Variants in TIAM1 observed in about 807,000 individuals in gnomAD.
TIAM1 encodes the protein rho guanine nucleotide exchange factor TIAM1.
In TIAM1, 65 loss-of-function variants were observed where a neutral mutation model predicts 163.5. That is an observed-to-expected ratio of 0.40 (90% CI 0.33 to 0.49). TIAM1 has a LOEUF of 0.49. TIAM1 is among the 20% of genes least tolerant of loss of function. The probability of loss-of-function intolerance (pLI) is 0.77; values close to 1 mark genes in which losing one functional copy is unlikely to be tolerated. For synonymous variants in TIAM1, 833 were observed against 810.1 expected (o/e 1.03, Z -0.48); for missense variants, 1,789 against 2,044.7 (o/e 0.87, Z 2.41).
At chr21:31,447,847 T>A (rs2044685668) in intron 2 of TIAM1, among the ~76,000 whole-genome samples, 2 of 152,156 alleles carry the variant, frequency 1.3e-5, no homozygotes, top group Non-Finnish European at 2.9e-5. Context: ...AATTGGCTCG[T>A]GTGATTATGG....
intron 16 of TIAM1, among the ~76,000 whole-genome samples, chr21:31,157,532 G>C (rs979385507): frequency 5.3e-5 from 8 of 151,864 alleles, no homozygotes; most frequent in African/African-American, 1.7e-4. Flanking sequence ...TCCAGCTCAG[G>C]ATCATGGGTG....
intron 2 of TIAM1, among the ~76,000 whole-genome samples, chr21:31,412,142 A>C (rs976072042): frequency 6.6e-6 from 1 of 152,172 alleles, no homozygotes; most frequent in African/African-American, 2.4e-5. Flanking sequence ...AGCAACCTAG[A>C]TGGAACTGGA....
intron 3 of TIAM1, among the ~76,000 whole-genome samples, chr21:31,267,850 G>A (rs2072870981): frequency 6.6e-6 from 1 of 152,196 alleles, no homozygotes; most frequent in Admixed American, 6.5e-5. Flanking sequence ...CCTGCAAACA[G>A]AAATTCACAT....
intron 2 of TIAM1, among the ~76,000 whole-genome samples, chr21:31,326,061 G>A (rs987831345): frequency 2.6e-5 from 4 of 152,108 alleles, no homozygotes; most frequent in African/African-American, 9.7e-5. Context: ...CCACTGTCAG[G>A]CAGAGTCCCC....
intron 1 of TIAM1, among the ~76,000 whole-genome samples, chr21:31,476,816 G>C (rs2045948421): frequency 6.6e-6 from 1 of 152,184 alleles, no homozygotes; most frequent in African/African-American, 2.4e-5. Context: ...GGTGGTCAGA[G>C]CAGAAATGTT....
At chr21:31,226,862 G>A (rs1007769476) in intron 6 of TIAM1, among the ~76,000 whole-genome samples, 3 of 151,468 alleles carry the variant, frequency 2.0e-5, no homozygotes, top group African/African-American at 7.3e-5. Context: ...TATTTTTCAT[G>A]CACAAAAACA....
chr21:31,289,928 A>T (rs1469327552), intron 2 of TIAM1, among the ~76,000 whole-genome samples: 1 of 152,176 alleles, frequency 6.6e-6, no homozygotes, highest in East Asian at 1.9e-4. Flanking sequence ...TGAAACAGAC[A>T]CTAGGCTTGC....
At position 31,232,336 on chromosome 21, in the gene TIAM1, T is replaced by G. The variant is rs563493221; in HGVS notation, c.1585-6386A>C. On this transcript the variant is annotated intron_variant, in intron 6 of 27. Transcript: ENST00000541036. ...AGGCAGTTCCATTAGAGAGAACTTT[T>G]GCTCCCACTGTCTTGTCTAAATAAA... Among the ~76,000 whole-genome samples, 6 of 152,276 alleles carry G rather than the reference T, an allele frequency of 3.9e-5. No individual in the cohort carries two copies. The East Asian group carries it at 9.7e-4, about 25-fold the overall frequency.
intron 2 of TIAM1, among the ~76,000 whole-genome samples, chr21:31,448,624 A>AC (rs988895950): frequency 5.3e-5 from 8 of 151,130 alleles, no homozygotes; most frequent in African/African-American, 1.2e-4. Context: ...AAAAAAAAAA[A>AC]AACAAGAAGT....
At chr21:31,337,934 TC>T (rs1024880685) in intron 2 of TIAM1, among the ~76,000 whole-genome samples, 1 of 152,150 alleles carries the variant, frequency 6.6e-6, no homozygotes, top group African/African-American at 2.4e-5. Flanking sequence ...GTGCTTTGGC[TC>T]CGCTCTCTGT....
At chr21:31,125,245 C>T (rs2146210684) in intron 26 of TIAM1, among the ~76,000 whole-genome samples, 1 of 151,424 alleles carries the variant, frequency 6.6e-6, no homozygotes, top group South Asian at 2.1e-4. Context: ...AAAAGTGCTT[C>T]CTAGGAAGAG....
At chr21:31,434,207 C>G (rs1424036114) in intron 2 of TIAM1, among the ~76,000 whole-genome samples, 3 of 152,080 alleles carry the variant, frequency 2.0e-5, no homozygotes, top group South Asian at 4.1e-4. Flanking sequence ...TAACAAGGAC[C>G]AGATTTATAC....
chr21:31,421,443 G>C (rs1222102112), intron 2 of TIAM1, among the ~76,000 whole-genome samples: 1 of 152,194 alleles, frequency 6.6e-6, no homozygotes. Flanking sequence ...GTGGGCAAGC[G>C]GGTGAGCATT....
intron 15 of TIAM1, among the ~76,000 whole-genome samples, chr21:31,167,745 G>T (rs2084306115): frequency 2.0e-5 from 3 of 152,070 alleles, no homozygotes. Flanking sequence ...AAACGATTAG[G>T]ACTTGATTGC....
intron 2 of TIAM1, among the ~76,000 whole-genome samples, chr21:31,354,460 C>A (rs1186178767): frequency 6.7e-6 from 1 of 148,962 alleles, no homozygotes; most frequent in Non-Finnish European, 1.5e-5. Context: ...GAACCAAGGA[C>A]CCCCCCTCCA....
At chr21:31,507,548 C>T (rs766721665) in intron 1 of TIAM1, among the ~76,000 whole-genome samples, 3 of 152,094 alleles carry the variant, frequency 2.0e-5, no homozygotes, top group Non-Finnish European at 4.4e-5. Flanking sequence ...TTCTCCATAA[C>T]TACAACTAAT....
At chr21:31,258,558 G>A (rs953254807) in intron 4 of TIAM1, among the ~76,000 whole-genome samples, 11 of 152,286 alleles carry the variant, frequency 7.2e-5, no homozygotes, top group African/African-American at 2.4e-4. Context: ...TAGGCTGGAC[G>A]CAGTGGCTCA....
chr21:31,120,952 C>CATA lies in TIAM1; in HGVS notation c.4307-116_4307-115insTAT. On this transcript the variant is annotated intron_variant, in intron 27 of 27. Coordinates refer to ENST00000541036, the MANE Select transcript of TIAM1 (RefSeq NM_001353694.2). This position sits in a 1 kb window ranked among gnomAD's most constrained non-coding sequence, Gnocchi z 4.2. Reference sequence around the variant, plus strand: ...AAACCAAAACGGTATGCATTGAATGCCTTGATGTCTTTTGGGGCTTAAAGT... The same window carrying CATA: ...AAACCAAAACGGTATGCATTGAATGCATACTTGATGTCTTTTGGGGCTTAAAGT... The CATA allele has an allele frequency of 1.1e-6, 1 of 950,778 alleles. No homozygotes were observed. The highest frequency in any genetic ancestry group is 1.5e-6 in the Non-Finnish European group (1 of 654,722). The allele number at this position is 950,778 out of a possible 1,614,324, so 58.9% of individuals were successfully genotyped here. A position where few individuals can be genotyped will look rare whatever the true frequency, so the allele number is the denominator to read the frequency against.
chr21:31,469,588 G>C (rs1363493325), intron 1 of TIAM1, among the ~76,000 whole-genome samples: 1 of 152,096 alleles, frequency 6.6e-6, no homozygotes, highest in Admixed American at 6.6e-5. Context: ...CAGCACTTTG[G>C]GAGGCCAAGG....
Sources: gnomAD v4.1 joint callset for allele counts (sites outside exome capture counted in the v4.1 genomes callset) on GRCh38, gnomAD v4.1.1 for gene constraint, Gnocchi (gnomAD v3.1) non-coding constraint, MANE v1.5 for transcripts, NCBI Gene and HGNC (gene_info 2026-07-23, HGNC 2026-07-21) for gene names.